Variants in CES5A observed in about 807,000 individuals in gnomAD.
The protein encoded by CES5A is carboxylesterase 5A.
A neutral mutation model predicts 62.9 loss-of-function variants in CES5A; 67 were observed. The ratio of observed to expected loss-of-function variants is 1.07; its 90% CI spans 0.88 to 1.31. CES5A has a LOEUF of 1.31. CES5A is among the 50% of genes most tolerant of loss of function. CES5A has a pLI of 0.00. For missense variants in CES5A, 748 were observed against 708.5 expected, an observed-to-expected ratio of 1.06 and a Z score of -0.63; for synonymous variants, 296 against 280.8, an observed-to-expected ratio of 1.05 and a Z score of -0.54.
intron 1 of CES5A, among the ~76,000 whole-genome samples, chr16:55,900,956 G>A (rs973441228): frequency 6.6e-6 from 1 of 152,164 alleles, no homozygotes; most frequent in Non-Finnish European, 1.5e-5. Context: ...AGAGGAAGGG[G>A]TTTGTGTGAG....
At chr16:55,953,587 A>G (rs1313496343) in intron 1 of CES5A, among the ~76,000 whole-genome samples, 2 of 152,214 alleles carry the variant, frequency 1.3e-5, no homozygotes, top group African/African-American at 4.8e-5. Context: ...GGCAAATTTC[A>G]TAAGAAATGT....
chr16:55,924,419 C>G (rs957615637), intron 1 of CES5A, among the ~76,000 whole-genome samples: 2 of 151,608 alleles, frequency 1.3e-5, no homozygotes, highest in Non-Finnish European at 3.0e-5. Context: ...GAAATTGAAG[C>G]TGACACACAC....
At position 55,859,609 on chromosome 16, in the gene CES5A, A is replaced by G; in HGVS notation, c.994T>C (p.Phe332Leu). ...CCGATGATGGAAGGAATTGCTTTAA[A>G]TGCTTTCTGAGACAATAGATCTAGA... Reference protein sequence around the residue: ...EPLDLLSQKAFKAIPSIIGVN... With the variant: ...EPLDLLSQKALKAIPSIIGVN... Residue 332 changes from phenylalanine (F) to leucine (L), a missense_variant, in exon 8 of 13, where the codon TTT becomes CTT. Coordinates refer to ENST00000290567, the MANE Select transcript of CES5A (RefSeq NM_001143685.2). 1 of 1,613,862 alleles carries G rather than the reference A, an allele frequency of 6.2e-7. No homozygotes were observed. The highest frequency in any genetic ancestry group is 8.5e-7 in the Non-Finnish European group (1 of 1,179,868).
intron 2 of CES5A, among the ~76,000 whole-genome samples, chr16:55,937,100 C>T (rs2034384934): frequency 6.6e-6 from 1 of 152,178 alleles, no homozygotes; most frequent in Non-Finnish European, 1.5e-5. Context: ...GTTCTCTCAC[C>T]TGGGATTTCC....
intron 10 of CES5A, among the ~76,000 whole-genome samples, chr16:55,852,458 G>T (rs1484302569): frequency 1.3e-5 from 2 of 152,156 alleles, no homozygotes; most frequent in Admixed American, 1.3e-4. Context: ...AATGTTATGG[G>T]GTGGAGTATT....
intron 4 of CES5A, among the ~76,000 whole-genome samples, chr16:55,866,551 G>C (rs1460897799): frequency 6.6e-6 from 1 of 151,488 alleles, no homozygotes; most frequent in African/African-American, 2.4e-5. Context: ...GGCCAGGCAC[G>C]GTGGCTCATG....
intron 4 of CES5A, among the ~76,000 whole-genome samples, chr16:55,869,039 G>A (rs1460023159): frequency 1.3e-5 from 2 of 152,206 alleles, no homozygotes; most frequent in African/African-American, 4.8e-5. Context: ...TGATTCTCAG[G>A]TGAGCATTCG....
chr16:55,873,808 C>T (rs1298959614), intron 2 of CES5A, 25 bp downstream of exon 2: 8 of 1,597,530 alleles, frequency 5.0e-6, no homozygotes, highest in East Asian at 2.2e-5. Flanking sequence ...TCACAAACCA[C>T]CCGTGGGCCC....
intron 11 of CES5A, among the ~76,000 whole-genome samples, chr16:55,848,786 T>A (rs951575666): frequency 6.6e-6 from 1 of 152,232 alleles, no homozygotes; most frequent in Non-Finnish European, 1.5e-5. Context: ...TTACATAGTA[T>A]GGGCTCAGGA....
chr16:55,934,918 TTTTTGTTTTGGGTTTTTTTG>T (rs1246780700), intron 2 of CES5A, among the ~76,000 whole-genome samples: 1 of 152,118 alleles, frequency 6.6e-6, no homozygotes. Context: ...GAACCCGTGT[TTTTTGTTTTGGGTTTTTTTG>T]TTTTGTTTTG....
intron 10 of CES5A, 125 bp from the exon 11 acceptor site, chr16:55,849,898 T>A: frequency 1.0e-6 from 1 of 955,824 alleles, no homozygotes; most frequent in East Asian, 2.7e-5. Flanking sequence ...GACAGCTCAC[T>A]TCCCCCTTCC....
chr16:55,872,302 G>A (rs2033608638), intron 2 of CES5A, among the ~76,000 whole-genome samples: 1 of 152,158 alleles, frequency 6.6e-6, no homozygotes, highest in African/African-American at 2.4e-5. Flanking sequence ...CTGTATCTGC[G>A]TGCTCACATT....
chr16:55,896,235 A>G (rs553668089), intron 1 of CES5A, among the ~76,000 whole-genome samples: 2 of 152,292 alleles, frequency 1.3e-5, no homozygotes, highest in East Asian at 3.9e-4. Context: ...CTTGTTCACT[A>G]TCATGAGAAC....
chr16:55,917,068 C>T (rs899624330), intron 1 of CES5A, among the ~76,000 whole-genome samples: 1 of 152,192 alleles, frequency 6.6e-6, no homozygotes, highest in Non-Finnish European at 1.5e-5. Flanking sequence ...TTTGGCCAAA[C>T]CTTGAAGGCA....
chr16:55,924,545 A>G (rs1437343565), intron 1 of CES5A, among the ~76,000 whole-genome samples: 1 of 152,072 alleles, frequency 6.6e-6, no homozygotes, highest in South Asian at 2.1e-4. Flanking sequence ...TACCAATGAT[A>G]TTCTTTACAG....
intron 4 of CES5A, among the ~76,000 whole-genome samples, chr16:55,868,733 C>T (rs2033519805): frequency 6.6e-6 from 1 of 152,186 alleles, no homozygotes; most frequent in African/African-American, 2.4e-5. Flanking sequence ...CTCACTTCTC[C>T]TCTTTGTTTA....
At chr16:55,871,915 C>T (rs527503380) in intron 2 of CES5A, 152 bp from the exon 3 acceptor site, 21 of 697,926 alleles carry the variant, frequency 3.0e-5, no homozygotes, top group Non-Finnish European at 4.7e-5. Context: ...ATGCCCAAAC[C>T]CCCATGGTTT....
chr16:55,928,276 C>T (rs2034278198), upstream of CES5A, among the ~76,000 whole-genome samples: 1 of 152,070 alleles, frequency 6.6e-6, no homozygotes, highest in South Asian at 2.1e-4. Context: ...AGCAATTTGG[C>T]TGGAACTGAA....
Position 55,861,509 on chromosome 16 carries a change from AC to A in CES5A, c.817del (p.Val273TrpfsTer17), listed in dbSNP as rs1567327925. 6.2e-7 allele frequency: 1 copy of A among 1,609,634 alleles called. No individual in the cohort carries two copies. On this transcript the variant is annotated frameshift_variant, in exon 7 of 13. Transcript: ENST00000290567. LOFTEE classifies it high-confidence loss of function. ...ATTGTTACCACAGAAATGTGCAACC[AC>A]CTGCAGCTATTTTGTAGAGAAGGAC... ...HDYEKSEDLQ[V>X]VAHFCGNNAS...
Sources: allele counts gnomAD v4.1 joint callset (sites outside exome capture counted in the v4.1 genomes callset), GRCh38; gene constraint gnomAD v4.1.1; transcripts MANE v1.5; gene names NCBI Gene and HGNC (gene_info 2026-07-23, HGNC 2026-07-21).